UHRF1: variants seen among roughly 807,000 people sequenced by gnomAD.
UHRF1 encodes ubiquitin like with PHD and ring finger domains 1, also known as E3 ubiquitin-protein ligase UHRF1.
Under a neutral mutation model 96.5 loss-of-function variants are expected in UHRF1, and 9 were observed. That is an observed-to-expected ratio of 0.09 (90% CI 0.06 to 0.16). UHRF1 has a LOEUF of 0.16. UHRF1 is among the 10% of genes least tolerant of loss of function. The probability of loss-of-function intolerance (pLI) is 1.00; values close to 1 mark genes in which losing one functional copy is unlikely to be tolerated. For synonymous variants in UHRF1, 455 were observed against 469.9 expected (o/e 0.97, Z 0.41); for missense variants, 626 against 1,131.1 (o/e 0.55, Z 6.40).
At chr19:4,907,816 G>A (rs193058006), upstream of UHRF1, among the ~76,000 whole-genome samples, 8 of 139,894 alleles carry the variant, frequency 5.7e-5, no homozygotes, top group Non-Finnish European at 7.6e-5. Flanking sequence ...GGGTTCAAGC[G>A]ATTCTCCTGC....
At chr19:4,939,850 C>T (rs969867648) in intron 5 of UHRF1, among the ~76,000 whole-genome samples, 5 of 152,032 alleles carry the variant, frequency 3.3e-5, no homozygotes, top group Non-Finnish European at 7.4e-5. Flanking sequence ...CGGTGAAACC[C>T]CGTCTCTACT....
At chr19:4,955,570 G>A (rs963928033) in intron 15 of UHRF1, among the ~76,000 whole-genome samples, 7 of 152,024 alleles carry the variant, frequency 4.6e-5, no homozygotes, top group Non-Finnish European at 8.8e-5. Context: ...TGTGGCCGAG[G>A]CCATCTCAGT....
chr19:4,933,036 T>A, intron 5 of UHRF1, 80 bp downstream of exon 5: 1 of 1,450,536 alleles, frequency 6.9e-7, no homozygotes, highest in Non-Finnish European at 9.3e-7. Flanking sequence ...TTTGAAGCCG[T>A]CCAGCCAGCG....
chr19:4,939,881 A>G (rs376426249), intron 5 of UHRF1, among the ~76,000 whole-genome samples: 28 of 152,156 alleles, frequency 1.8e-4, no homozygotes, highest in East Asian at 9.7e-4. Flanking sequence ...AAAATTAGCC[A>G]GGCGTGGTGG....
At chr19:4,942,675 C>G (rs1471057225) in intron 7 of UHRF1, among the ~76,000 whole-genome samples, 1 of 152,070 alleles carries the variant, frequency 6.6e-6, no homozygotes, top group African/African-American at 2.4e-5. Flanking sequence ...TCTCTTAACT[C>G]CTGACCTTAA....
intron 16 of UHRF1, among the ~76,000 whole-genome samples, chr19:4,957,550 C>A (rs2033890814): frequency 6.6e-6 from 1 of 152,102 alleles, no homozygotes; most frequent in South Asian, 2.1e-4. Flanking sequence ...CCTTGTCATC[C>A]ACCCGCCTTG....
At chr19:4,955,214 G>A (rs1001269170) in intron 15 of UHRF1, among the ~76,000 whole-genome samples, 5 of 152,160 alleles carry the variant, frequency 3.3e-5, no homozygotes, top group African/African-American at 1.2e-4. Context: ...TCTGGGGCTG[G>A]GAGCCCGACA....
At chr19:4,940,995 C>T (rs905218074) in intron 5 of UHRF1, among the ~76,000 whole-genome samples, 7 of 150,770 alleles carry the variant, frequency 4.6e-5, no homozygotes, top group African/African-American at 1.2e-4. Context: ...TCTTGCTTGT[C>T]GGTTCTTGTG....
rs2033192286 is a variant in UHRF1, at chr19:4,935,572, G to C, written c.785+2616G>C. Among the ~76,000 whole-genome samples the C allele has an allele frequency of 4.0e-5, 6 of 151,774 alleles. No homozygotes were observed. In the South Asian group the frequency reaches 1.3e-3, roughly 32 times the overall value. ...TTTTTTTTTTTTAACTTGGTTCTTG[G>C]AGGCCGCCTGCAGTTCCCAGGGCCC... On this transcript the variant is annotated intron_variant, in intron 5 of 16. Transcript: ENST00000650932.
chr19:4,952,401 T>A (rs1322111010), intron 13 of UHRF1, among the ~76,000 whole-genome samples: 1 of 141,026 alleles, frequency 7.1e-6, no homozygotes, highest in African/African-American at 2.7e-5. Flanking sequence ...GCCTTTTTTT[T>A]TTTTTTTTTT....
rs1427793545 is a variant in UHRF1, at chr19:4,960,714, G to T, written c.2293G>T (p.Asp765Tyr). ...QVFSCPACRY[D>Y]LGRSYAMQVN... The stretch of plus-strand genomic sequence containing the variant: ...GTTCAGCTGCCCTGCCTGCCGCTAC[G>T]ACCTGGGCCGCAGCTATGCCATGCA... Residue 765 changes from aspartate (D) to tyrosine (Y), a missense_variant, in exon 17 of 17, where the codon GAC (aspartate) becomes TAC (tyrosine). Physicochemically the swap from Asp to Tyr is radical, Grantham distance 160. Around this residue, in one of 11 missense-constraint regions of UHRF1, gnomAD observed 84 missense variants for 150.3 expected, o/e 0.56. Transcript: ENST00000650932. The T allele has an allele frequency of 6.3e-7, 1 of 1,578,672 alleles. No homozygotes were observed.
rs924971087 is a variant in UHRF1, at chr19:4,947,134, T to C, written c.1440T>C (p.Gly480=). The C allele has an allele frequency of 1.2e-5, 19 of 1,613,120 alleles. No individual in the cohort carries two copies. The highest frequency in any genetic ancestry group is 1.4e-5 in the Non-Finnish European group (17 of 1,179,718). ...ATGGGAATTTTTTCACATACACGGGTAGTGGTGGTCGAGATCTTTCCGGCA... is the reference window on the plus strand; with the variant it reads ...ATGGGAATTTTTTCACATACACGGGCAGTGGTGGTCGAGATCTTTCCGGCA... ...VDHGNFFTYT[G]SGGRDLSGNK... Residue 480 remains glycine (G), a synonymous_variant, in exon 11 of 17, where the codon GGT becomes GGC. Coordinates refer to ENST00000650932, the MANE Select transcript of UHRF1 (RefSeq NM_001048201.3).
In UHRF1 at chr19:4,929,377, G is replaced by T; in HGVS notation, c.309G>T (p.Glu103Asp). Residue 103 changes from glutamate (E) to aspartate (D), a missense_variant, in exon 3 of 17, where the codon GAG becomes GAT. Around this residue, in one of 11 missense-constraint regions of UHRF1, gnomAD observed 53 missense variants for 95.9 expected, o/e 0.55. Coordinates refer to ENST00000650932, the MANE Select transcript of UHRF1 (RefSeq NM_001048201.3). Reference protein sequence around the residue: ...TDSGCCLGQSESDKSSTHGEA... With the variant: ...TDSGCCLGQSDSDKSSTHGEA... ...CCGGCTGCTGCCTGGGCCAGAGTGA[G>T]TCAGACAAGTCCTCCACCCACGGTG... 1 of 1,613,786 alleles carries T rather than the reference G, an allele frequency of 6.2e-7. No individual in the cohort carries two copies. Among genetic ancestry groups the T allele is most frequent in the Non-Finnish European group, 8.5e-7 (1 of 1,179,894 alleles).
At chr19:4,949,914 G>C (rs763663400) in intron 11 of UHRF1, among the ~76,000 whole-genome samples, 17 of 152,030 alleles carry the variant, frequency 1.1e-4, no homozygotes, top group Non-Finnish European at 2.4e-4. Context: ...CTCTTGTCCA[G>C]GGTGGAGTGC....
rs567684245 is a variant in UHRF1 at position 4,944,293 on chromosome 19, C to T, written c.1197+38C>T. Reference sequence around the variant, plus strand: ...CTTCCCACGTGCCCGTGGCCCCTCCCCGCCTGCCAGGGCTCACGCTGTTGT... The same window carrying T: ...CTTCCCACGTGCCCGTGGCCCCTCCTCGCCTGCCAGGGCTCACGCTGTTGT... On this transcript the variant is annotated intron_variant, in intron 8 of 16. Coordinates refer to ENST00000650932, the MANE Select transcript of UHRF1 (RefSeq NM_001048201.3). The T allele has an allele frequency of 3.1e-6, 5 of 1,613,846 alleles. No homozygotes were observed. In the Admixed American group the frequency reaches 8.3e-5, roughly 27 times the overall value.
At chr19:4,933,020 A>C in intron 5 of UHRF1, 64 bp downstream of exon 5, 1 of 1,502,594 alleles carries the variant, frequency 6.7e-7, no homozygotes, top group East Asian at 2.5e-5. Context: ...GGGCCCCCGG[A>C]CTGGCTTTGA....
At chr19:4,927,290 A>C (rs2032902140) in intron 2 of UHRF1, among the ~76,000 whole-genome samples, 1 of 150,420 alleles carries the variant, frequency 6.6e-6, no homozygotes, top group Non-Finnish European at 1.5e-5. Flanking sequence ...CTGAGGCACA[A>C]GAATCGCTTG....
chr19:4,926,844 C>T (rs1175391746), intron 2 of UHRF1, among the ~76,000 whole-genome samples: 1 of 151,738 alleles, frequency 6.6e-6, no homozygotes, highest in East Asian at 1.9e-4. Context: ...GTGGGCGGAT[C>T]ACGAGGTCAG....
chr19:4,923,484 T>TTGGCTGCCCC (rs1000177662), intron 2 of UHRF1, among the ~76,000 whole-genome samples: 26 of 152,328 alleles, frequency 1.7e-4, no homozygotes, highest in African/African-American at 6.0e-4. Flanking sequence ...GCCCCTCTGC[T>TTGGCTGCCCC]TGGCTGCCCC....
Sources: allele counts gnomAD v4.1 joint callset (sites outside exome capture counted in the v4.1 genomes callset), GRCh38; gene constraint gnomAD v4.1.1; regional missense constraint gnomAD v4.1.1; transcripts MANE v1.5; gene names NCBI Gene and HGNC (gene_info 2026-07-23, HGNC 2026-07-21).